Variants in TMEM11 observed in about 807,000 individuals in gnomAD.
TMEM11 encodes the protein transmembrane protein 11, also known as transmembrane protein 11, mitochondrial.
Under a neutral mutation model 17.0 loss-of-function variants are expected in TMEM11, and 1 was observed. The observed-to-expected ratio is 0.06, with a 90% CI of 0.02 to 0.28. TMEM11 has a LOEUF of 0.28. Ranked by LOEUF, TMEM11 falls within the 10% of genes least tolerant of loss-of-function variation. The pLI is 1.00. For synonymous variants in TMEM11, 122 were observed against 118.1 expected, an observed-to-expected ratio of 1.03 and a Z score of -0.21; for missense variants, 172 against 252.9, an observed-to-expected ratio of 0.68 and a Z score of 2.17.
At position 21,198,329 on chromosome 17, in the gene TMEM11, C is replaced by T. The variant is rs541612728; in HGVS notation, c.574G>A (p.Val192Ile). 42 of 1,608,506 alleles carry T rather than the reference C, an allele frequency of 2.6e-5. No homozygotes were observed. The highest frequency in any genetic ancestry group is 8.8e-5 in the South Asian group (8 of 90,860). Residue 192 changes from valine (V) to isoleucine (I), a missense_variant, in exon 2 of 2, where the codon GTA (valine) becomes ATA (isoleucine). Val to Ile is a conservative substitution (Grantham distance 29, BLOSUM62 3). Transcript: ENST00000317635. This position sits in a 1 kb window ranked among gnomAD's most constrained non-coding sequence, Gnocchi z 6.5. ...CVKKIYELYA[V>I] ...CGCTCCCTGTTCTACTGAAATCATACGGCATAGAGTTCGTAAATCTTCTTT... is the reference window on the plus strand; with the variant it reads ...CGCTCCCTGTTCTACTGAAATCATATGGCATAGAGTTCGTAAATCTTCTTT...
At chr17:21,211,136 G>C in intron 1 of TMEM11, 1 of 1,289,880 alleles carries the variant, frequency 7.8e-7, no homozygotes, top group Non-Finnish European at 1.0e-6. Context: ...CAATCTGTTT[G>C]ATGTGCTCGT....
chr17:21,208,325 T>G (rs1974966890), intron 1 of TMEM11: 2 of 152,172 alleles, frequency 1.3e-5, no homozygotes. Flanking sequence ...AAAATAATTA[T>G]AAACTTATTC....
intron 1 of TMEM11, among the ~76,000 whole-genome samples, chr17:21,199,604 C>G (rs1416448273): frequency 6.6e-6 from 1 of 152,202 alleles, no homozygotes; most frequent in Non-Finnish European, 1.5e-5. Flanking sequence ...TAATGCTAAG[C>G]CCTTGCCCTC....
rs1367711621 is a variant in TMEM11, at chr17:21,198,769, A to G, written c.134T>C (p.Phe45Ser). The change falls in exon 2 of 2, where the codon TTT becomes TCT. Residue 45 changes from phenylalanine to serine, a missense_variant. Coordinates refer to ENST00000317635, the MANE Select transcript of TMEM11 (RefSeq NM_003876.3). This position sits in a 1 kb window ranked among gnomAD's most constrained non-coding sequence, Gnocchi z 6.5. ...CAGGGCCTGCTCCAGCTCGTACTCA[A>G]ACTGGTCTTGGGCATTCTCCCCATT... is the stretch of plus-strand genomic sequence containing the variant. ...IYNGENAQDQ[F>S]EYELEQALEA... The G allele has an allele frequency of 8.1e-6, 13 of 1,614,070 alleles. No homozygotes were observed. Among genetic ancestry groups the G allele is most frequent in the Non-Finnish European group, 9.3e-6 (11 of 1,180,034 alleles).
chr17:21,210,281 G>A (rs1050049644), intron 1 of TMEM11, among the ~76,000 whole-genome samples: 1 of 152,182 alleles, frequency 6.6e-6, no homozygotes, highest in South Asian at 2.1e-4. Flanking sequence ...CAATACTGAA[G>A]AGGATGAACC....
intron 1 of TMEM11, among the ~76,000 whole-genome samples, chr17:21,202,110 C>T (rs1366589742): frequency 6.6e-6 from 1 of 152,210 alleles, no homozygotes; most frequent in Admixed American, 6.5e-5. Flanking sequence ...GGGGCCTCCA[C>T]TCTCAGGTGG....
intron 1 of TMEM11, among the ~76,000 whole-genome samples, chr17:21,201,210 G>T (rs1446933132): frequency 6.6e-6 from 1 of 152,238 alleles, no homozygotes; most frequent in Non-Finnish European, 1.5e-5. Flanking sequence ...CAAGCATGGG[G>T]ACCCTAACCC....
At chr17:21,211,950 T>G (rs187965628) in intron 1 of TMEM11, among the ~76,000 whole-genome samples, 2 of 152,246 alleles carry the variant, frequency 1.3e-5, no homozygotes, top group Non-Finnish European at 2.9e-5. Context: ...TAATCTAGAG[T>G]GCTGGGCCAT....
At chr17:21,208,600 T>C (rs1048516007) in intron 1 of TMEM11, 1 of 152,274 alleles carries the variant, frequency 6.6e-6, no homozygotes, top group Non-Finnish European at 1.5e-5. Flanking sequence ...CTGGCTAAGC[T>C]GCCAGGCCAG....
At chr17:21,203,991 CTTT>C (rs368733534) in intron 1 of TMEM11, among the ~76,000 whole-genome samples, 2 of 107,654 alleles carry the variant, frequency 1.9e-5, no homozygotes, top group African/African-American at 3.6e-5. Flanking sequence ...ATTATATGGA[CTTT>C]TTTTTTTTTT....
intron 1 of TMEM11, among the ~76,000 whole-genome samples, chr17:21,209,669 TG>T (rs1215422069): frequency 2.6e-5 from 4 of 151,940 alleles, no homozygotes; most frequent in Non-Finnish European, 4.4e-5. Flanking sequence ...CTCGGGAGGC[TG>T]GGGTGGGAGA....
chr17:21,198,171 T>G lies in TMEM11; in HGVS notation c.*153A>C. On this transcript the variant is annotated 3_prime_UTR_variant, in exon 2 of 2. Transcript: ENST00000317635. This position sits in a 1 kb window ranked among gnomAD's most constrained non-coding sequence, Gnocchi z 6.5. Reference sequence around the variant, plus strand: ...CTTAGTGTAATGAGCTGAAAAACCCTGGGTACACCCGTGATCTGTTATTTT... The same window carrying G: ...CTTAGTGTAATGAGCTGAAAAACCCGGGGTACACCCGTGATCTGTTATTTT... 1 of 999,750 alleles carries G rather than the reference T, an allele frequency of 1.0e-6. No homozygotes were observed. The highest frequency in any genetic ancestry group is 2.5e-5 in the East Asian group (1 of 39,690). 61.9% of individuals were successfully genotyped at this position (999,750 alleles called of 1,614,324 possible). A position where few individuals can be genotyped will look rare whatever the true frequency, so the allele number is the denominator to read the frequency against.
chr17:21,201,054 A>G (rs1250293253), intron 1 of TMEM11, among the ~76,000 whole-genome samples: 1 of 152,242 alleles, frequency 6.6e-6, no homozygotes, highest in East Asian at 1.9e-4. Context: ...CCTACTACTG[A>G]GACTCCTCCC....
At chr17:21,212,459 A>G (rs950894363) in intron 1 of TMEM11, among the ~76,000 whole-genome samples, 12 of 152,240 alleles carry the variant, frequency 7.9e-5, no homozygotes, top group Non-Finnish European at 1.2e-4. Flanking sequence ...GCCACTACCC[A>G]GCTTTTCAGG....
At chr17:21,202,113 T>G (rs1384065285) in intron 1 of TMEM11, among the ~76,000 whole-genome samples, 1 of 152,106 alleles carries the variant, frequency 6.6e-6, no homozygotes, top group Admixed American at 6.6e-5. Flanking sequence ...GCCTCCACTC[T>G]CAGGTGGGAG....
rs1419824364 is a variant in TMEM11 at position 21,204,407 on chromosome 17, G to GT, written c.63-5568dup. On this transcript the variant is annotated intron_variant, in intron 1 of 1. Transcript: ENST00000317635. ...TGAGATCATGCCATTGCACTCCAGC[G>GT]TGGGCAACAAGTAAAACTCCGTCTC... Among the ~76,000 whole-genome samples the GT allele has an allele frequency of 2.1e-5, 3 of 142,248 alleles. No individual in the cohort carries two copies. In the Admixed American group the frequency reaches 2.2e-4, roughly 10 times the overall value. 93.3% of individuals were successfully genotyped at this position (142,248 alleles called of 152,430 possible).
chr17:21,210,684 A>C (rs2144311393), intron 1 of TMEM11, among the ~76,000 whole-genome samples: 1 of 152,302 alleles, frequency 6.6e-6, no homozygotes, highest in African/African-American at 2.4e-5. Flanking sequence ...CTGGGGAATA[A>C]AGCATGGCAA....
At chr17:21,202,597 A>G (rs1336584011) in intron 1 of TMEM11, among the ~76,000 whole-genome samples, 1 of 134,374 alleles carries the variant, frequency 7.4e-6, no homozygotes, top group African/African-American at 2.7e-5. Context: ...CCCAGCTGGC[A>G]CCCACATCCA....
At chr17:21,202,620 T>G (rs1399611284) in intron 1 of TMEM11, among the ~76,000 whole-genome samples, 3 of 143,164 alleles carry the variant, frequency 2.1e-5, no homozygotes, top group Non-Finnish European at 4.6e-5. Flanking sequence ...CAGACCCCTC[T>G]GCAGGCTCCA....
Sources: allele counts gnomAD v4.1 joint callset (sites outside exome capture counted in the v4.1 genomes callset), GRCh38; gene constraint gnomAD v4.1.1; non-coding constraint Gnocchi (gnomAD v3.1); transcripts MANE v1.5; gene names NCBI Gene and HGNC (gene_info 2026-07-23, HGNC 2026-07-21).